Variants in FSTL4 observed in about 807,000 individuals in gnomAD.
FSTL4 encodes the protein follistatin-related protein 4.
In FSTL4, 28 loss-of-function variants were observed where a neutral mutation model predicts 78.2. The ratio of observed to expected loss-of-function variants is 0.36; its 90% CI spans 0.27 to 0.49. The LOEUF is 0.49. FSTL4 is among the 20% of genes least tolerant of loss of function. The pLI is 0.98. For synonymous variants in FSTL4, 422 were observed against 440.5 expected (o/e 0.96, Z 0.53); for missense variants, 922 against 1,084.9 (o/e 0.85, Z 2.11).
intron 13 of FSTL4, among the ~76,000 whole-genome samples, chr5:133,214,936 C>T (rs137877468): frequency 1.4e-3 from 211 of 152,304 alleles, no homozygotes; most frequent in African/African-American, 4.9e-3. Flanking sequence ...ATTTACTCAC[C>T]TTTACAGCAA....
chr5:133,373,993 G>A (rs1755376487), intron 4 of FSTL4, among the ~76,000 whole-genome samples: 1 of 152,166 alleles, frequency 6.6e-6, no homozygotes, highest in South Asian at 2.1e-4. Flanking sequence ...ACAGATGTGA[G>A]GGCTAAGCTG....
Position 133,480,357 on chromosome 5 carries a change from T to C in FSTL4, c.161-79371A>G, listed in dbSNP as rs373988528. ...TAAGCCATATGTAAATATTTGCCAT[T>C]ACTACTATTTGAGTTTCTCGCAGAA... On this transcript the variant is annotated intron_variant, in intron 3 of 15. Coordinates refer to ENST00000265342, the MANE Select transcript of FSTL4 (RefSeq NM_015082.2). 7.2e-5 allele frequency among the ~76,000 whole-genome samples: 11 copies of C among 152,332 alleles called. No individual in the cohort carries two copies. In the East Asian group the frequency reaches 1.2e-3, roughly 16 times the overall value.
chr5:133,790,178 AT>A, the FSTL4 span, among the ~76,000 whole-genome samples: 1 of 152,218 alleles, frequency 6.6e-6, no homozygotes, highest in Admixed American at 6.5e-5. Flanking sequence ...CATGCATATA[AT>A]TAAGTCCATA....
At chr5:133,713,847 C>A in the FSTL4 span, among the ~76,000 whole-genome samples, 1 of 152,214 alleles carries the variant, frequency 6.6e-6, no homozygotes, top group East Asian at 1.9e-4. Flanking sequence ...AGAGTGAAGT[C>A]ATTTCAATCC....
At chr5:133,238,621 C>T (rs1420210796) in intron 7 of FSTL4, among the ~76,000 whole-genome samples, 6 of 152,158 alleles carry the variant, frequency 3.9e-5, no homozygotes, top group African/African-American at 1.4e-4. Flanking sequence ...CACATGGACA[C>T]ATGCAGTACA....
chr5:133,456,885 G>C (rs747649), intron 3 of FSTL4, among the ~76,000 whole-genome samples: 1 of 152,152 alleles, frequency 6.6e-6, no homozygotes, highest in East Asian at 1.9e-4. Context: ...GGATGCCCCA[G>C]GAAACCTGTC....
the FSTL4 span, among the ~76,000 whole-genome samples, chr5:133,757,424 A>T: frequency 6.6e-6 from 1 of 152,322 alleles, no homozygotes; most frequent in African/African-American, 2.4e-5. Flanking sequence ...GCACGTGGTG[A>T]TTGGTGGCTA....
At chr5:133,748,091 G>A in the FSTL4 span, among the ~76,000 whole-genome samples, 3 of 152,104 alleles carry the variant, frequency 2.0e-5, no homozygotes, top group Non-Finnish European at 2.9e-5. Context: ...CTACTCGAGA[G>A]GCTGAGGCAG....
chr5:133,716,753 C>T, the FSTL4 span, among the ~76,000 whole-genome samples: 2 of 152,190 alleles, frequency 1.3e-5, no homozygotes, highest in Admixed American at 6.5e-5. Flanking sequence ...GCATCGGGAA[C>T]ACAGGAGTGA....
At position 133,279,889 on chromosome 5, in the gene FSTL4, A is replaced by C. The variant is rs1306343828; in HGVS notation, c.728-30313T>G. Among the ~76,000 whole-genome samples, 5 of 152,204 alleles carry C rather than the reference A, an allele frequency of 3.3e-5. No individual in the cohort carries two copies. The East Asian group carries it at 9.6e-4, about 29-fold the overall frequency. On this transcript the variant is annotated intron_variant, in intron 6 of 15. Coordinates refer to ENST00000265342, the MANE Select transcript of FSTL4 (RefSeq NM_015082.2). ...CTTGAATCCGCTTACTGGTGTCCTT[A>C]TGAGACGAGGAGAAGACATGGGGGA... is the stretch of plus-strand genomic sequence containing the variant.
intron 4 of FSTL4, among the ~76,000 whole-genome samples, chr5:133,347,823 T>C (rs1241902449): frequency 6.6e-6 from 1 of 152,262 alleles, no homozygotes; most frequent in African/African-American, 2.4e-5. Flanking sequence ...ATAGCTGCAT[T>C]ATTTCTATTT....
At chr5:133,231,313 G>A (rs1054084179) in intron 8 of FSTL4, among the ~76,000 whole-genome samples, 3 of 152,030 alleles carry the variant, frequency 2.0e-5, no homozygotes, top group Non-Finnish European at 4.4e-5. Context: ...ACCCGTGCCA[G>A]AGCTCTGGAT....
chr5:133,574,584 T>C (rs115457638), intron 2 of FSTL4, among the ~76,000 whole-genome samples: 184 of 152,340 alleles, frequency 1.2e-3, no homozygotes, highest in Non-Finnish European at 2.3e-3. Flanking sequence ...GACCCAACAA[T>C]TTAACTCCTA....
chr5:133,773,273 G>A, the FSTL4 span, among the ~76,000 whole-genome samples: 2 of 146,378 alleles, frequency 1.4e-5, no homozygotes, highest in African/African-American at 2.5e-5. Flanking sequence ...AAAAAAAAAA[G>A]TTGAGAAAGA....
chr5:133,225,085 C>A lies in FSTL4; in HGVS notation c.1312+65G>T, dbSNP rs1751282382. ...CAGCTGTGGCCCTGGTCAATTGGTG[C>A]CCTCCCTTGCCACCCAACACCTCCC... On this transcript the variant is annotated intron_variant, in intron 10 of 15. Coordinates refer to ENST00000265342, the MANE Select transcript of FSTL4 (RefSeq NM_015082.2). The surrounding 1 kb of genome is among the most constrained non-coding windows in gnomAD (Gnocchi z 4.6). 6.3e-7 allele frequency: 1 copy of A among 1,585,896 alleles called. No homozygotes were observed.
the FSTL4 span, among the ~76,000 whole-genome samples, chr5:133,667,565 A>T: frequency 1.2e-4 from 19 of 152,276 alleles, no homozygotes; most frequent in African/African-American, 4.1e-4. Flanking sequence ...GCTCGAATAT[A>T]TCAGACCCAC....
chr5:133,312,517 G>T, intron 6 of FSTL4, 137 bp downstream of exon 6: 1 of 731,368 alleles, frequency 1.4e-6, no homozygotes, highest in African/African-American at 1.7e-5. Context: ...GCTTGTTGCA[G>T]AACAAATTCA....
At chr5:133,705,380 A>T in the FSTL4 span, among the ~76,000 whole-genome samples, 5 of 152,100 alleles carry the variant, frequency 3.3e-5, no homozygotes, top group African/African-American at 1.2e-4. Context: ...TTTACAGATT[A>T]ATTCTAGCCA....
chr5:133,617,692 A>T, the FSTL4 span, among the ~76,000 whole-genome samples: 1 of 152,154 alleles, frequency 6.6e-6, no homozygotes, highest in Non-Finnish European at 1.5e-5. Flanking sequence ...TCTCCTTGAT[A>T]AAGTGTTAGC....
Sources: gnomAD v4.1 joint callset for allele counts (sites outside exome capture counted in the v4.1 genomes callset) on GRCh38, gnomAD v4.1.1 for gene constraint, Gnocchi (gnomAD v3.1) non-coding constraint, MANE v1.5 for transcripts, NCBI Gene and HGNC (gene_info 2026-07-23, HGNC 2026-07-21) for gene names.